The following DENND6B variants were observed in gnomAD, a reference collection of about 807,000 sequenced individuals.
DENND6B encodes DENN domain containing 6B.
Under a neutral mutation model 85.1 loss-of-function variants are expected in DENND6B, and 73 were observed. The ratio of observed to expected loss-of-function variants is 0.86; its 90% CI spans 0.71 to 1.04. DENND6B has a LOEUF of 1.04. DENND6B is among the 50% of genes least tolerant of loss of function. The pLI is 0.00. For synonymous variants in DENND6B, 357 were observed against 329.3 expected (o/e 1.08, Z -0.91); for missense variants, 715 against 785.8 (o/e 0.91, Z 1.08).
chr22:50,317,868 G>T, intron 4 of DENND6B, 40 bp downstream of exon 4: 2 of 1,569,084 alleles, frequency 1.3e-6, no homozygotes, highest in Non-Finnish European at 1.7e-6. Context: ...CCCTTGGGGA[G>T]CAGGGGAGAA....
At chr22:50,319,444 C>T in intron 1 of DENND6B, 2 of 985,414 alleles carry the variant, frequency 2.0e-6, no homozygotes, top group Non-Finnish European at 2.4e-6. Flanking sequence ...CCACCTCTTG[C>T]CCAGACTGCA....
chr22:50,313,496 G>T lies in DENND6B; in HGVS notation c.1297C>A (p.His433Asn). Residue 433 changes from histidine to asparagine, a missense_variant, in exon 16 of 20, where the codon CAC becomes AAC. His to Asn is a moderately conservative substitution (Grantham distance 68). Transcript: ENST00000413817. Reference sequence around the variant, plus strand: ...AGGGGCATGAGGCTGGCCATGTAGTGCTCCTGGGTGGGGAAGGGAGGGGAG... The same window carrying T: ...AGGGGCATGAGGCTGGCCATGTAGTTCTCCTGGGTGGGGAAGGGAGGGGAG... ...LTQSFIIPLEHYMASLMPLQK... is the reference protein window; with the variant it reads ...LTQSFIIPLENYMASLMPLQK... 1 of 1,549,830 alleles carries T rather than the reference G, an allele frequency of 6.5e-7. No homozygotes were observed. Among genetic ancestry groups the T allele is most frequent in the Admixed American group, 1.9e-5 (1 of 51,560 alleles).
intron 9 of DENND6B, among the ~76,000 whole-genome samples, chr22:50,315,253 C>T (rs1421653152): frequency 6.6e-6 from 1 of 152,212 alleles, no homozygotes; most frequent in East Asian, 1.9e-4. Flanking sequence ...CTCCCGTCAC[C>T]CTGTGCCCAT....
chr22:50,317,602 T>C (rs2041895486), intron 4 of DENND6B, among the ~76,000 whole-genome samples: 2 of 151,712 alleles, frequency 1.3e-5, no homozygotes, highest in Admixed American at 1.3e-4. Context: ...AGTCCGCTGG[T>C]GTAGTGGAGA....
In DENND6B at chr22:50,316,100, G is replaced by A. The variant is rs763213408; in HGVS notation, c.640-13C>T. The A allele has an allele frequency of 6.2e-7, 1 of 1,612,700 alleles. No individual in the cohort carries two copies. Among genetic ancestry groups the A allele is most frequent in the South Asian group, 1.1e-5 (1 of 91,086 alleles). On this transcript the variant is annotated splice_polypyrimidine_tract_variant and intron_variant, in intron 7 of 19. Coordinates refer to ENST00000413817, the MANE Select transcript of DENND6B (RefSeq NM_001001794.4). ...ATGGGATGCGCACCTGGGAGAAGGA[G>A]GGAGCAGCTGCCAGAGGGAGTAGGG...
At chr22:50,320,271 C>G (rs1204139004) in intron 1 of DENND6B, among the ~76,000 whole-genome samples, 1 of 152,228 alleles carries the variant, frequency 6.6e-6, no homozygotes, top group East Asian at 1.9e-4. Context: ...CAGGCTGGAG[C>G]GCAATGGCAC....
At chr22:50,313,552 A>AGGCCCCCCCC in intron 15 of DENND6B, 53 bp from the exon 16 acceptor site, 3 of 389,630 alleles carry the variant, frequency 7.7e-6, no homozygotes, top group East Asian at 1.0e-4. Context: ...CCCCAGCCCC[A>AGGCCCCCCCC]TCCCCCGCAG....
At chr22:50,316,136 C>T (rs760594299) in intron 7 of DENND6B, 38 bp downstream of exon 7, 2 of 1,612,552 alleles carry the variant, frequency 1.2e-6, no homozygotes, top group Non-Finnish European at 1.7e-6. Context: ...CATCCCCACA[C>T]ACCTGCAGAG....
At chr22:50,322,137 C>T (rs1349442196) in intron 1 of DENND6B, among the ~76,000 whole-genome samples, 3 of 150,254 alleles carry the variant, frequency 2.0e-5, no homozygotes, top group South Asian at 4.2e-4. Context: ...TACAGTGGCG[C>T]GATCTCAGCT....
chr22:50,319,928 G>A (rs1277916557), intron 1 of DENND6B, among the ~76,000 whole-genome samples: 2 of 152,246 alleles, frequency 1.3e-5, no homozygotes, highest in African/African-American at 2.4e-5. Flanking sequence ...ACAGGTGTGC[G>A]CTGACAGAGG....
chr22:50,316,104 G>A lies in DENND6B; in HGVS notation c.640-17C>T, dbSNP rs766419045. On this transcript the variant is annotated splice_polypyrimidine_tract_variant and intron_variant, in intron 7 of 19. Coordinates refer to ENST00000413817, the MANE Select transcript of DENND6B (RefSeq NM_001001794.4). ...GATGCGCACCTGGGAGAAGGAGGGAGCAGCTGCCAGAGGGAGTAGGGCATC... is the reference window on the plus strand; with the variant it reads ...GATGCGCACCTGGGAGAAGGAGGGAACAGCTGCCAGAGGGAGTAGGGCATC... The A allele has an allele frequency of 6.2e-7, 1 of 1,612,718 alleles. No individual in the cohort carries two copies. Among genetic ancestry groups the A allele is most frequent in the South Asian group, 1.1e-5 (1 of 91,084 alleles).
intron 9 of DENND6B, 127 bp from the exon 10 acceptor site, chr22:50,315,048 A>T: frequency 7.5e-7 from 1 of 1,326,074 alleles, no homozygotes. Context: ...CTCCAGGGTG[A>T]AGACAGATCT....
Position 50,315,614 on chromosome 22 carries a change from GCA to G in DENND6B, c.758+98_758+99del, listed in dbSNP as rs1601813711. 18 of 1,341,712 alleles carry G rather than the reference GCA, an allele frequency of 1.3e-5. No homozygotes were observed. In the South Asian group the frequency reaches 1.8e-4, roughly 14 times the overall value. 83.1% of individuals were successfully genotyped at this position (1,341,712 alleles called of 1,614,324 possible). The stretch of plus-strand genomic sequence containing the variant: ...CACGTGCACTCACGCAGACACACAC[GCA>G]CACACATACTCACACACAGATGCAC... On this transcript the variant is annotated intron_variant, in intron 9 of 19. Transcript: ENST00000413817.
chr22:50,326,041 T>C (rs1468525476), intron 1 of DENND6B, among the ~76,000 whole-genome samples: 1 of 152,244 alleles, frequency 6.6e-6, no homozygotes, highest in Non-Finnish European at 1.5e-5. Context: ...CATCTGCAGG[T>C]GGGCCTCCCC....
At chr22:50,323,163 G>A (rs1297485868) in intron 1 of DENND6B, among the ~76,000 whole-genome samples, 6 of 147,378 alleles carry the variant, frequency 4.1e-5, no homozygotes, top group South Asian at 4.3e-4. Context: ...CACCACGCCC[G>A]GCTTGTTTTT....
intron 1 of DENND6B, among the ~76,000 whole-genome samples, chr22:50,319,779 T>C (rs1194112998): frequency 6.6e-6 from 1 of 152,210 alleles, no homozygotes; most frequent in Non-Finnish European, 1.5e-5. Context: ...CTCCCCGTCC[T>C]GCTCAGCAGT....
Position 50,311,613 on chromosome 22 carries a change from A to T in DENND6B, c.*526T>A, listed in dbSNP as rs1569193440. 6.3e-6 allele frequency: 1 copy of T among 158,112 alleles called. No individual in the cohort carries two copies. The highest frequency in any genetic ancestry group is 1.4e-5 in the Non-Finnish European group (1 of 71,634). 9.8% of individuals were successfully genotyped at this position (158,112 alleles called of 1,614,324 possible). ...GCAGGTGGGTGTCCAGAGGAGCACC[A>T]GGGGTGGTGAGCAGAGCTCTTCACA... On this transcript the variant is annotated 3_prime_UTR_variant, in exon 20 of 20. Transcript: ENST00000413817.
chr22:50,312,458 A>G (rs1228375708), intron 18 of DENND6B, 41 bp from the exon 19 acceptor site: 1 of 1,593,408 alleles, frequency 6.3e-7, no homozygotes, highest in South Asian at 1.1e-5. Flanking sequence ...AAGGCCCCTC[A>G]CTGCCCTGGG....
intron 1 of DENND6B, among the ~76,000 whole-genome samples, chr22:50,323,779 G>C (rs903245709): frequency 8.4e-5 from 12 of 142,128 alleles, no homozygotes; most frequent in Admixed American, 3.0e-4. Flanking sequence ...CTGTAACCTA[G>C]GCTGGAGTGC....
Sources: allele counts gnomAD v4.1 joint callset (sites outside exome capture counted in the v4.1 genomes callset), GRCh38; gene constraint gnomAD v4.1.1; transcripts MANE v1.5; gene names NCBI Gene and HGNC (gene_info 2026-07-23, HGNC 2026-07-21).